C4orf36: variants seen among roughly 807,000 people sequenced by gnomAD.
C4orf36 encodes the protein uncharacterized protein C4orf36.
Under a neutral mutation model 12.2 loss-of-function variants are expected in C4orf36, and 11 were observed. The ratio of observed to expected loss-of-function variants is 0.90; its 90% CI spans 0.57 to 1.49. The LOEUF is 1.49. C4orf36 is among the 40% of genes most tolerant of loss of function. The pLI is 0.00. For missense variants in C4orf36, 137 were observed against 133.9 expected, an observed-to-expected ratio of 1.02 and a Z score of -0.11; for synonymous variants, 54 against 51.3, an observed-to-expected ratio of 1.05 and a Z score of -0.22.
At chr4:86,891,074 T>A (rs967525002) in intron 2 of C4orf36, among the ~76,000 whole-genome samples, 10 of 152,130 alleles carry the variant, frequency 6.6e-5, no homozygotes, top group Admixed American at 6.6e-4. Flanking sequence ...ACCAGGGCAT[T>A]TTTTTGGTAG....
intron 4 of C4orf36, 124 bp downstream of exon 4, chr4:86,887,634 G>C: frequency 8.8e-7 from 1 of 1,133,250 alleles, no homozygotes; most frequent in South Asian, 1.5e-5. Context: ...CACAGCTGTG[G>C]GCAGTGGCCC....
At chr4:86,898,040 C>T in the C4orf36 span, among the ~76,000 whole-genome samples, 21,874 of 152,236 alleles carry the variant, frequency 0.14, 2,050 homozygotes, top group East Asian at 0.32. Flanking sequence ...AAAGGATTTA[C>T]CTGCTTCAGT....
intron 4 of C4orf36, among the ~76,000 whole-genome samples, chr4:86,877,392 G>C (rs1326436528): frequency 2.0e-5 from 3 of 152,220 alleles, no homozygotes; most frequent in African/African-American, 7.2e-5. Flanking sequence ...GGAAGAAAGA[G>C]TAGAGTGGGT....
At chr4:86,913,495 T>G in the C4orf36 span, 1 of 799,124 alleles carries the variant, frequency 1.3e-6, no homozygotes, top group Admixed American at 1.8e-5. Flanking sequence ...ATGCTCTGTT[T>G]TGGAACGTCC....
At chr4:86,913,731 A>G in the C4orf36 span, 1 of 1,579,848 alleles carries the variant, frequency 6.3e-7, no homozygotes, top group Non-Finnish European at 8.7e-7. Context: ...GACCCTGTGG[A>G]CCCAGCCACC....
At chr4:86,903,657 A>C in the C4orf36 span, among the ~76,000 whole-genome samples, 1 of 152,202 alleles carries the variant, frequency 6.6e-6, no homozygotes, top group South Asian at 2.1e-4. Flanking sequence ...ACCATCGAAG[A>C]CAACCCAAGC....
At chr4:86,904,975 C>A in the C4orf36 span, among the ~76,000 whole-genome samples, 1 of 152,104 alleles carries the variant, frequency 6.6e-6, no homozygotes, top group Non-Finnish European at 1.5e-5. Context: ...GTAACTCACG[C>A]CTGTAATCCC....
chr4:86,894,558 A>G (rs1747549776), upstream of C4orf36, among the ~76,000 whole-genome samples: 2 of 152,214 alleles, frequency 1.3e-5, no homozygotes, highest in Admixed American at 1.3e-4. Flanking sequence ...GTCTAGGGCC[A>G]CACCAGAAGA....
chr4:86,904,402 G>A, the C4orf36 span, among the ~76,000 whole-genome samples: 1 of 152,308 alleles, frequency 6.6e-6, no homozygotes, highest in East Asian at 1.9e-4. Flanking sequence ...CGACCAGAGC[G>A]GACGCCAAGG....
At chr4:86,885,703 C>T (rs1747161078) in intron 4 of C4orf36, among the ~76,000 whole-genome samples, 1 of 152,164 alleles carries the variant, frequency 6.6e-6, no homozygotes, top group South Asian at 2.1e-4. Flanking sequence ...TTTCTCCTGC[C>T]TGATTGCCCT....
chr4:86,903,652 C>G, the C4orf36 span, among the ~76,000 whole-genome samples: 4 of 152,182 alleles, frequency 2.6e-5, no homozygotes, highest in East Asian at 1.9e-4. Context: ...CCCATACCAT[C>G]GAAGACAACC....
chr4:86,913,422 G>T, the C4orf36 span: 1 of 738,378 alleles, frequency 1.4e-6, no homozygotes, highest in African/African-American at 1.7e-5. Context: ...CCGTGTTGCG[G>T]TCCTCAGTCG....
chr4:86,876,299 C>A lies in C4orf36; in HGVS notation c.*147G>T. 1 of 1,268,914 alleles carries A rather than the reference C, an allele frequency of 7.9e-7. No individual in the cohort carries two copies. Among genetic ancestry groups the A allele is most frequent in the Non-Finnish European group, 1.1e-6 (1 of 937,676 alleles). The allele number at this position is 1,268,914 out of a possible 1,614,324, so 78.6% of individuals were successfully genotyped here. A position where few individuals can be genotyped will look rare whatever the true frequency, so the allele number is the denominator to read the frequency against. ...AGATTTTCTCGGTCTCTGGGCGGGC[C>A]GTGGGAGGCTTCCTGAGGTGGGGGC... On this transcript the variant is annotated 3_prime_UTR_variant, in exon 5 of 5. Transcript: ENST00000295898.
chr4:86,887,733 A>G, intron 4 of C4orf36, 25 bp downstream of exon 4: 2 of 1,613,894 alleles, frequency 1.2e-6, no homozygotes, highest in East Asian at 2.2e-5. Context: ...CAAGACACAG[A>G]GTACAGATTC....
chr4:86,914,177 G>C, the C4orf36 span: 1 of 1,591,468 alleles, frequency 6.3e-7, no homozygotes, highest in Non-Finnish European at 8.6e-7. Context: ...TCCCTAGTGG[G>C]GACTACTTCA....
chr4:86,901,493 C>T, the C4orf36 span, among the ~76,000 whole-genome samples: 4 of 151,812 alleles, frequency 2.6e-5, no homozygotes, highest in Admixed American at 6.6e-5. Context: ...CTGCAAGCTC[C>T]ACCTCTCAGG....
chr4:86,899,937 C>T, the C4orf36 span, among the ~76,000 whole-genome samples: 1 of 152,122 alleles, frequency 6.6e-6, no homozygotes, highest in Non-Finnish European at 1.5e-5. Flanking sequence ...AGACTTGAAA[C>T]CCCACAAGCA....
At chr4:86,879,851 CT>C (rs34363324) in intron 4 of C4orf36, among the ~76,000 whole-genome samples, 71,941 of 135,296 alleles carry the variant, frequency 0.53, 18,892 homozygotes, top group South Asian at 0.69. Flanking sequence ...TGTTTTGTTT[CT>C]TTTTTTTTTT....
upstream of C4orf36, among the ~76,000 whole-genome samples, chr4:86,893,303 G>A (rs904398138): frequency 2.6e-5 from 4 of 152,212 alleles, no homozygotes; most frequent in African/African-American, 4.8e-5. Flanking sequence ...ACGGTGGATG[G>A]GCCGGGCGCG....
Sources: allele counts gnomAD v4.1 joint callset (sites outside exome capture counted in the v4.1 genomes callset), GRCh38; gene constraint gnomAD v4.1.1; transcripts MANE v1.5; gene names NCBI Gene and HGNC (gene_info 2026-07-23, HGNC 2026-07-21).